The following DHX37 variants were observed in gnomAD, a reference collection of about 807,000 sequenced individuals.
The protein encoded by DHX37 is DEAH-box helicase 37.
A neutral mutation model predicts 134.3 loss-of-function variants in DHX37; 52 were observed. The observed-to-expected ratio is 0.39, with a 90% CI of 0.31 to 0.49. DHX37 has a LOEUF of 0.49. Ranked by LOEUF, DHX37 falls within the 20% of genes least tolerant of loss-of-function variation. The pLI, the probability that DHX37 is intolerant of heterozygous loss-of-function variation, is 0.93. For synonymous variants in DHX37, 634 were observed against 670.7 expected, an observed-to-expected ratio of 0.95 and a Z score of 0.85; for missense variants, 1,344 against 1,580.8, an observed-to-expected ratio of 0.85 and a Z score of 2.54.
chr12:124,981,063 C>T (rs1441623554), intron 3 of DHX37, among the ~76,000 whole-genome samples: 1 of 151,954 alleles, frequency 6.6e-6, no homozygotes, highest in East Asian at 1.9e-4. Context: ...TCTCACCCTT[C>T]TCCCTCCACC....
intron 16 of DHX37, among the ~76,000 whole-genome samples, chr12:124,957,801 AAC>A (rs879933222): frequency 0.081 from 12,403 of 152,240 alleles, 1,001 homozygotes; most frequent in African/African-American, 0.21. Context: ...TAGTAATAAT[AAC>A]GTGAATAAAT....
intron 16 of DHX37, among the ~76,000 whole-genome samples, chr12:124,959,321 C>T (rs1171795788): frequency 6.6e-6 from 1 of 152,162 alleles, no homozygotes; most frequent in Admixed American, 6.5e-5. Context: ...GATCCACCTG[C>T]CTCGGCCTTC....
intron 16 of DHX37, among the ~76,000 whole-genome samples, chr12:124,958,421 C>T (rs906970281): frequency 1.3e-5 from 2 of 152,116 alleles, no homozygotes; most frequent in Admixed American, 6.5e-5. Context: ...GCACTCCCGA[C>T]AGTGCTCCCA....
At chr12:124,950,829 G>C in intron 21 of DHX37, 25 bp from the exon 22 acceptor site, 1 of 1,582,792 alleles carries the variant, frequency 6.3e-7, no homozygotes, top group Non-Finnish European at 8.5e-7. Context: ...GAGTGATGTG[G>C]TCAGGGAAGA....
At chr12:124,987,336 C>T (rs532216010) in intron 1 of DHX37, among the ~76,000 whole-genome samples, 1 of 152,332 alleles carries the variant, frequency 6.6e-6, no homozygotes, top group South Asian at 2.1e-4. Flanking sequence ...GAGCAAGGCT[C>T]CATCTCAAAT....
At chr12:124,952,339 C>G in intron 21 of DHX37, 59 bp downstream of exon 21, 1 of 1,508,706 alleles carries the variant, frequency 6.6e-7, no homozygotes. Flanking sequence ...GGGCCCAGCC[C>G]GCCTGCCCCT....
intron 15 of DHX37, among the ~76,000 whole-genome samples, chr12:124,960,667 C>G (rs934201268): frequency 1.3e-5 from 2 of 152,174 alleles, no homozygotes; most frequent in Non-Finnish European, 2.9e-5. Flanking sequence ...AGCTATTATT[C>G]CACTGGCTGG....
chr12:124,975,353 C>T (rs1203132914), intron 6 of DHX37, 66 bp downstream of exon 6: 12 of 1,535,984 alleles, frequency 7.8e-6, no homozygotes, highest in Non-Finnish European at 1.1e-5. Context: ...TCCTCCTGGG[C>T]TTCCCACATC....
At chr12:124,964,692 T>C in intron 14 of DHX37, 66 bp from the exon 15 acceptor site, 2 of 1,586,432 alleles carry the variant, frequency 1.3e-6, no homozygotes, top group Non-Finnish European at 1.7e-6. Flanking sequence ...GAATGGAGGC[T>C]CAAGGACAAA....
In DHX37 at chr12:124,950,048, C is replaced by T. The variant is rs1281803674; in HGVS notation, c.3228G>A (p.Lys1076=). Residue 1076 remains lysine, a synonymous_variant, in exon 25 of 27, where the codon AAG becomes AAA. Transcript: ENST00000308736. ...RFLLEGQVFR[K]LASYRSCLLS... ...GCAGACAGCTCCGGTATGAGGCCAG[C>T]TTGCGGAAGACCTGATGAGAGACCA... 6.2e-7 allele frequency: 1 copy of T among 1,613,534 alleles called. No homozygotes were observed. The highest frequency in any genetic ancestry group is 8.5e-7 in the Non-Finnish European group (1 of 1,179,846).
chr12:124,985,468 G>A (rs1954848692), intron 2 of DHX37, among the ~76,000 whole-genome samples: 1 of 151,970 alleles, frequency 6.6e-6, no homozygotes, highest in Non-Finnish European at 1.5e-5. Context: ...TGGGCATGGT[G>A]GTTCACGCCT....
chr12:124,962,111 G>A (rs1954277710), intron 15 of DHX37, among the ~76,000 whole-genome samples: 1 of 152,190 alleles, frequency 6.6e-6, no homozygotes, highest in African/African-American at 2.4e-5. Context: ...GGGAGGCTGA[G>A]GCACGAAGAC....
In DHX37 at chr12:124,960,308, T is replaced by C. The variant is rs748020180; in HGVS notation, c.2157+4A>G. On this transcript the variant is annotated splice_donor_region_variant and intron_variant, in intron 16 of 26. Transcript: ENST00000308736. ...TGAGAGCGGGGCTGGGGGCAGCAACTGACCTTTTCAACGTTGAGCGCCTTC... is the reference window on the plus strand; with the variant it reads ...TGAGAGCGGGGCTGGGGGCAGCAACCGACCTTTTCAACGTTGAGCGCCTTC... The C allele has an allele frequency of 1.9e-6, 3 of 1,610,958 alleles. No individual in the cohort carries two copies. The Admixed American group carries it at 5.0e-5, about 27-fold the overall frequency.
At chr12:124,976,431 G>C (rs1292615792) in intron 5 of DHX37, among the ~76,000 whole-genome samples, 5 of 152,244 alleles carry the variant, frequency 3.3e-5, no homozygotes, top group African/African-American at 1.2e-4. Context: ...GTAAGCGCAG[G>C]CTGGGCGGGG....
intron 4 of DHX37, among the ~76,000 whole-genome samples, chr12:124,979,848 G>T (rs1594509085): frequency 6.6e-6 from 1 of 152,216 alleles, no homozygotes; most frequent in Non-Finnish European, 1.5e-5. Context: ...GCACTTTGGG[G>T]TCATTTGCTA....
intron 18 of DHX37, 39 bp from the exon 19 acceptor site, chr12:124,954,250 GGCTGCGCTCAGGGCCTCA>G: frequency 6.5e-7 from 1 of 1,529,360 alleles, no homozygotes; most frequent in Non-Finnish European, 8.8e-7. Context: ...CTGGGGCCTC[GGCTGCGCTCAGGGCCTCA>G]GCGGGGGGAA....
At chr12:124,973,425 A>G (rs1954561839) in intron 6 of DHX37, among the ~76,000 whole-genome samples, 1 of 149,984 alleles carries the variant, frequency 6.7e-6, no homozygotes, top group Admixed American at 6.8e-5. Context: ...AAAAAAAATT[A>G]GTTCTTATCT....
intron 8 of DHX37, among the ~76,000 whole-genome samples, 197 bp from the exon 9 acceptor site, chr12:124,969,165 A>T (rs1448193289): frequency 6.6e-6 from 1 of 152,010 alleles, no homozygotes; most frequent in African/African-American, 2.4e-5. Context: ...GGCTTGTTCC[A>T]GGGGGTCTTT....
intron 6 of DHX37, among the ~76,000 whole-genome samples, chr12:124,973,469 A>G (rs370854756): frequency 6.6e-6 from 1 of 151,540 alleles, no homozygotes; most frequent in East Asian, 1.9e-4. Context: ...TGAGGATAAA[A>G]TAAGATACCT....
Sources: allele counts gnomAD v4.1 joint callset (sites outside exome capture counted in the v4.1 genomes callset), GRCh38; gene constraint gnomAD v4.1.1; transcripts MANE v1.5; gene names NCBI Gene and HGNC (gene_info 2026-07-23, HGNC 2026-07-21).